Variants in ABCF3 observed in about 807,000 individuals in gnomAD.
ABCF3 encodes the protein ATP binding cassette subfamily F member 3, also known as ATP-binding cassette sub-family F member 3.
A neutral mutation model predicts 94.3 loss-of-function variants in ABCF3; 62 were observed. The ratio of observed to expected loss-of-function variants is 0.66; its 90% CI spans 0.54 to 0.81. The LOEUF (loss-of-function observed/expected upper bound fraction) is 0.81. Ranked by LOEUF, ABCF3 falls within the 40% of genes least tolerant of loss-of-function variation. The probability of loss-of-function intolerance (pLI) is 0.00; values close to 1 mark genes in which losing one functional copy is unlikely to be tolerated. For synonymous variants in ABCF3, 355 were observed against 361.1 expected, an observed-to-expected ratio of 0.98 and a Z score of 0.19; for missense variants, 843 against 925.3, an observed-to-expected ratio of 0.91 and a Z score of 1.15.
rs748482704 is a variant in ABCF3 at position 184,189,628 on chromosome 3, C to A, written c.1185C>A (p.Ile395=). The change falls in exon 13 of 21, where the codon ATC becomes ATA. Residue 395 remains isoleucine, a synonymous_variant. Coordinates refer to ENST00000429586, the MANE Select transcript of ABCF3 (RefSeq NM_018358.3). The stretch of plus-strand genomic sequence containing the variant: ...TGAATGCCATCGCCACAGACATCAT[C>A]CACCTGCACAGCCAGCGGCTAGATG... ...NFLNAIATDI[I]HLHSQRLDGY... The A allele has an allele frequency of 2.5e-6, 4 of 1,614,244 alleles. No homozygotes were observed. The highest frequency in any genetic ancestry group is 3.4e-6 in the Non-Finnish European group (4 of 1,180,052).
At position 184,193,282 on chromosome 3, in the gene ABCF3, G is replaced by T. The variant is rs1716145051; in HGVS notation, c.1883+48G>T. 6.2e-7 allele frequency: 1 copy of T among 1,602,768 alleles called. No homozygotes were observed. The highest frequency in any genetic ancestry group is 8.5e-7 in the Non-Finnish European group (1 of 1,174,068). On this transcript the variant is annotated intron_variant, in intron 19 of 20. Coordinates refer to ENST00000429586, the MANE Select transcript of ABCF3 (RefSeq NM_018358.3). This position sits in a 1 kb window ranked among gnomAD's most constrained non-coding sequence, Gnocchi z 5.2. Reference sequence around the variant, plus strand: ...TCTTCCCCTCCCATTTCCCCTTCTTGCCCAGTAGAAAACTGTATCAGAAGG... The same window carrying T: ...TCTTCCCCTCCCATTTCCCCTTCTTTCCCAGTAGAAAACTGTATCAGAAGG...
intron 14 of ABCF3, 163 bp downstream of exon 14, chr3:184,190,094 G>A (rs1715922085): frequency 1.4e-6 from 1 of 707,674 alleles, no homozygotes; most frequent in South Asian, 1.8e-5. Context: ...TGTTCTTGGA[G>A]GGCTAATCTT....
chr3:184,188,760 G>A lies in ABCF3; in HGVS notation c.837-1G>A. The stretch of plus-strand genomic sequence containing the variant: ...CCAATTGCTGTTTCTCCTCCCTCCA[G>A]GGCGGAGGGCTCTGAAGCTGCAGAG... On this transcript the variant is annotated splice_acceptor_variant, in intron 7 of 20. Coordinates refer to ENST00000429586, the MANE Select transcript of ABCF3 (RefSeq NM_018358.3). LOFTEE classifies it high-confidence loss of function. The A allele has an allele frequency of 6.2e-7, 1 of 1,613,750 alleles. No individual in the cohort carries two copies. The highest frequency in any genetic ancestry group is 8.5e-7 in the Non-Finnish European group (1 of 1,179,788).
At chr3:184,188,477 A>G in intron 7 of ABCF3, 70 bp downstream of exon 7, 1 of 1,537,212 alleles carries the variant, frequency 6.5e-7, no homozygotes, top group East Asian at 2.3e-5. Flanking sequence ...TCCTGGAACA[A>G]TCCATAATTT....
Position 184,187,842 on chromosome 3 carries a change from TCCATTTCTC to T in ABCF3, c.447-16_447-8del. On this transcript the variant is annotated splice_polypyrimidine_tract_variant and intron_variant, in intron 5 of 20. Transcript: ENST00000429586. ...AGGTGGTGGGGAGCACTAAGAGCTG[TCCATTTCTC>T]CCTTTAAAGAGTCTTAGAAGAGGCA... 6.2e-7 allele frequency: 1 copy of T among 1,614,038 alleles called. No homozygotes were observed. The highest frequency in any genetic ancestry group is 8.5e-7 in the Non-Finnish European group (1 of 1,180,016).
Position 184,193,078 on chromosome 3 carries a change from C to T in ABCF3, c.1751-24C>T, listed in dbSNP as rs894367901. ...GGAGGGTGTTGGGCCAAGAAGCCAC[C>T]TGATCTGGGGAGTCCTTTTCCAGGG... On this transcript the variant is annotated intron_variant, in intron 18 of 20. Coordinates refer to ENST00000429586, the MANE Select transcript of ABCF3 (RefSeq NM_018358.3). This position sits in a 1 kb window ranked among gnomAD's most constrained non-coding sequence, Gnocchi z 5.2. 2.0e-6 allele frequency: 3 copies of T among 1,534,506 alleles called. No individual in the cohort carries two copies. The highest frequency in any genetic ancestry group is 2.8e-5 in the African/African-American group (2 of 72,516).
chr3:184,192,518 C>T, intron 16 of ABCF3, 83 bp from the exon 17 acceptor site: 1 of 1,315,966 alleles, frequency 7.6e-7, no homozygotes, highest in East Asian at 2.4e-5. Flanking sequence ...GTGCTCAACA[C>T]TTTTTAGTGC....
chr3:184,188,972 C>G lies in ABCF3; in HGVS notation c.961C>G (p.Gln321Glu). ...TGGGCTTGGCTTTACCCCTAAAATG[C>G]AGCAGCAGCCCACCCGGTGAGTGAC... ...LAGLGFTPKM[Q>E]QQPTREFSGG... Residue 321 changes from glutamine to glutamate, a missense_variant, in exon 9 of 21, where the codon CAG becomes GAG. By Grantham distance (29) the Gln-to-Glu change is conservative. Transcript: ENST00000429586. The G allele has an allele frequency of 2.5e-6, 4 of 1,614,248 alleles. No homozygotes were observed. The highest frequency in any genetic ancestry group is 3.4e-6 in the Non-Finnish European group (4 of 1,180,044).
In ABCF3 at chr3:184,193,506, C is replaced by A. The variant is rs1449300901; in HGVS notation, c.1972-34C>A. On this transcript the variant is annotated intron_variant, in intron 20 of 20. Coordinates refer to ENST00000429586, the MANE Select transcript of ABCF3 (RefSeq NM_018358.3). The surrounding 1 kb of genome is among the most constrained non-coding windows in gnomAD (Gnocchi z 5.2). ...TCCCAGGCCTCGGTGCCTCTTGTGT[C>A]CCCCTGAGCACCTCCTGCCCTCCTG... The A allele has an allele frequency of 1.2e-6, 2 of 1,614,040 alleles. No homozygotes were observed. Among genetic ancestry groups the A allele is most frequent in the South Asian group, 2.2e-5 (2 of 91,070 alleles).
Position 184,193,309 on chromosome 3 carries a change from TTTA to T in ABCF3, c.1884-53_1884-51del. On this transcript the variant is annotated intron_variant, in intron 19 of 20. Coordinates refer to ENST00000429586, the MANE Select transcript of ABCF3 (RefSeq NM_018358.3). The surrounding 1 kb of genome is among the most constrained non-coding windows in gnomAD (Gnocchi z 5.2). ...CCAGTAGAAAACTGTATCAGAAGGC[TTTA>T]TTTTCTCTCACCGCACCCCTTCACT... 6.2e-7 allele frequency: 1 copy of T among 1,612,954 alleles called. No homozygotes were observed. The highest frequency in any genetic ancestry group is 8.5e-7 in the Non-Finnish European group (1 of 1,179,386).
chr3:184,192,199 T>TA (rs112097343), intron 16 of ABCF3, among the ~76,000 whole-genome samples: 55 of 152,328 alleles, frequency 3.6e-4, no homozygotes, highest in African/African-American at 1.2e-3. Context: ...TACAGAGTGA[T>TA]ACTTCCATGC....
In ABCF3 at chr3:184,187,861, A is replaced by G; in HGVS notation, c.447A>G (p.Leu149=). ...EKDTLKTSNP[L]VLEEASASQA... The stretch of plus-strand genomic sequence containing the variant: ...GAGCTGTCCATTTCTCCCTTTAAAG[A>G]GTCTTAGAAGAGGCATCAGCCAGCC... Residue 149 remains leucine, a splice_region_variant and synonymous_variant, in exon 6 of 21, where the codon CTA becomes CTG. Transcript: ENST00000429586. The G allele has an allele frequency of 6.2e-7, 1 of 1,614,132 alleles. No individual in the cohort carries two copies. The highest frequency in any genetic ancestry group is 8.5e-7 in the Non-Finnish European group (1 of 1,180,042).
In ABCF3 at chr3:184,188,992, A is replaced by G; in HGVS notation, c.977+4A>G. 6.2e-7 allele frequency: 1 copy of G among 1,614,214 alleles called. No homozygotes were observed. Among genetic ancestry groups the G allele is most frequent in the South Asian group, 1.1e-5 (1 of 91,084 alleles). On this transcript the variant is annotated splice_donor_region_variant and intron_variant, in intron 9 of 20. Coordinates refer to ENST00000429586, the MANE Select transcript of ABCF3 (RefSeq NM_018358.3). Reference sequence around the variant, plus strand: ...AAATGCAGCAGCAGCCCACCCGGTGAGTGACCCTTGCCATTCTTGGCTTTG... The same window carrying G: ...AAATGCAGCAGCAGCCCACCCGGTGGGTGACCCTTGCCATTCTTGGCTTTG...
intron 16 of ABCF3, 41 bp from the exon 17 acceptor site, chr3:184,192,560 T>A: frequency 6.4e-7 from 1 of 1,565,126 alleles, no homozygotes; most frequent in Non-Finnish European, 8.7e-7. Context: ...CCGTATTTAT[T>A]TTTCTGGCAC....
chr3:184,186,663 C>A lies in ABCF3; in HGVS notation c.221+9C>A. 1 of 1,603,624 alleles carries A rather than the reference C, an allele frequency of 6.2e-7. No homozygotes were observed. Among genetic ancestry groups the A allele is most frequent in the Non-Finnish European group, 8.5e-7 (1 of 1,173,752 alleles). On this transcript the variant is annotated intron_variant, in intron 2 of 20. Transcript: ENST00000429586. The stretch of plus-strand genomic sequence containing the variant: ...TACAACACTCTGCGTCTGTATGTGC[C>A]AGGGAGTAGGGGTTGATGGGGGCGA...
intron 16 of ABCF3, 143 bp from the exon 17 acceptor site, chr3:184,192,458 C>G (rs549218389): frequency 1.1e-4 from 89 of 800,336 alleles, no homozygotes; most frequent in Admixed American, 1.0e-3. Flanking sequence ...CCTCCTCCCC[C>G]CTTATCCTTC....
chr3:184,188,534 G>C, intron 7 of ABCF3, 127 bp downstream of exon 7: 4 of 1,284,462 alleles, frequency 3.1e-6, no homozygotes, highest in South Asian at 2.9e-5. Context: ...TGGCACTCTG[G>C]GACTCAGAAG....
At chr3:184,186,398 G>C in intron 1 of ABCF3, 109 bp from the exon 2 acceptor site, 1 of 1,576,886 alleles carries the variant, frequency 6.3e-7, no homozygotes, top group Non-Finnish European at 8.7e-7. Context: ...CTCTTGTCCC[G>C]GGGGCTGGTT....
chr3:184,191,547 G>A (rs1265109171), intron 16 of ABCF3, among the ~76,000 whole-genome samples: 1 of 152,128 alleles, frequency 6.6e-6, no homozygotes, highest in Non-Finnish European at 1.5e-5. Context: ...GAGACATTGA[G>A]GAGAGAGCAT....
Sources: allele counts gnomAD v4.1 joint callset (sites outside exome capture counted in the v4.1 genomes callset), GRCh38; gene constraint gnomAD v4.1.1; non-coding constraint Gnocchi (gnomAD v3.1); transcripts MANE v1.5; gene names NCBI Gene and HGNC (gene_info 2026-07-23, HGNC 2026-07-21).